The following MTUS1 variants were observed in gnomAD, a reference collection of about 807,000 sequenced individuals.
The protein encoded by MTUS1 is microtubule associated scaffold protein 1.
MTUS1 carries 109 observed loss-of-function variants against 120.8 expected under a neutral mutation model. The observed-to-expected ratio is 0.90, with a 90% confidence interval of 0.77 to 1.06. The LOEUF (loss-of-function observed/expected upper bound fraction) is 1.06. Among genes scored for constraint, MTUS1 ranks in the 50% least tolerant of loss-of-function variants. The probability of loss-of-function intolerance (pLI) is 0.00; values close to 1 mark genes in which losing one functional copy is unlikely to be tolerated. For synonymous variants in MTUS1, 737 were observed against 550.5 expected (o/e 1.34, Z -4.74); for missense variants, 2,210 against 1,486.3 (o/e 1.49, Z -8.01).
At chr8:17,774,603 G>C (rs1056207635) in intron 1 of MTUS1, among the ~76,000 whole-genome samples, 1 of 152,166 alleles carries the variant, frequency 6.6e-6, no homozygotes, top group Non-Finnish European at 1.5e-5. Context: ...TGCTGGTGAG[G>C]ATATGGAGAA....
intron 1 of MTUS1, among the ~76,000 whole-genome samples, chr8:17,781,742 C>G (rs2050893408): frequency 1.3e-5 from 2 of 152,204 alleles, no homozygotes; most frequent in South Asian, 4.1e-4. Flanking sequence ...CCTCCTGCCC[C>G]CATCATGTGA....
At chr8:17,758,363 C>A (rs982377608) in intron 1 of MTUS1, among the ~76,000 whole-genome samples, 1 of 152,140 alleles carries the variant, frequency 6.6e-6, no homozygotes, top group African/African-American at 2.4e-5. Context: ...CACACATACA[C>A]ATCCAAAAAG....
At chr8:17,759,024 G>A (rs1008720339) in intron 1 of MTUS1, among the ~76,000 whole-genome samples, 2 of 152,098 alleles carry the variant, frequency 1.3e-5, no homozygotes, top group African/African-American at 2.4e-5. Context: ...TGGGATTACA[G>A]GCGCCCGCCA....
chr8:17,705,141 G>A (rs1309514580), intron 6 of MTUS1, among the ~76,000 whole-genome samples: 3 of 151,974 alleles, frequency 2.0e-5, no homozygotes, highest in Non-Finnish European at 4.4e-5. Context: ...ACAACCACGT[G>A]CAGCTAATTT....
intron 1 of MTUS1, among the ~76,000 whole-genome samples, chr8:17,777,479 C>A (rs2050545108): frequency 6.6e-6 from 1 of 151,062 alleles, no homozygotes; most frequent in African/African-American, 2.4e-5. Flanking sequence ...ATGTCAGGCA[C>A]AGTGTGTCCC....
chr8:17,782,371 G>C lies in MTUS1; in HGVS notation c.-155+18690C>G, dbSNP rs567519746. Among the ~76,000 whole-genome samples, 61 of 152,216 alleles carry C rather than the reference G, an allele frequency of 4.0e-4. 1 individual carries two copies. The highest frequency in any genetic ancestry group is 2.0e-3 in the Admixed American group (31 of 15,290). ...TACTGTATCATTTCTAATTGGAAAA[G>C]GTCTACCAGAGATACTATACACCTG... On this transcript the variant is annotated intron_variant, in intron 1 of 14. Coordinates refer to ENST00000693296, the MANE Select transcript of MTUS1 (RefSeq NM_001363059.2).
intron 5 of MTUS1, 82 bp from the exon 6 acceptor site, chr8:17,713,334 T>A (rs1405535555): frequency 4.5e-6 from 4 of 897,532 alleles, no homozygotes; most frequent in Non-Finnish European, 7.1e-6. Flanking sequence ...ATAAGAATTA[T>A]TTTCAAAAAC....
intron 3 of MTUS1, among the ~76,000 whole-genome samples, chr8:17,736,056 T>G (rs369821115): frequency 6.6e-6 from 1 of 152,220 alleles, no homozygotes. Context: ...ATCCTGTTTG[T>G]AGTCTCAGAA....
chr8:17,787,911 G>C (rs1054416936), intron 1 of MTUS1, among the ~76,000 whole-genome samples: 2 of 152,204 alleles, frequency 1.3e-5, no homozygotes, highest in African/African-American at 4.8e-5. Context: ...ACCTGAGTAA[G>C]GAGTTCAAGA....
chr8:17,662,425 G>A (rs1039927947), intron 8 of MTUS1, among the ~76,000 whole-genome samples: 48 of 141,448 alleles, frequency 3.4e-4, no homozygotes, highest in African/African-American at 1.3e-3. Context: ...GCACGATCTC[G>A]GCTCACTGCA....
At chr8:17,790,304 AGCCATT>A (rs2051667135) in intron 1 of MTUS1, among the ~76,000 whole-genome samples, 1 of 151,568 alleles carries the variant, frequency 6.6e-6, no homozygotes, top group African/African-American at 2.4e-5. Context: ...GCCGAGATGA[AGCCATT>A]GCACTCCAGC....
chr8:17,652,513 T>C (rs1807231001), intron 12 of MTUS1, among the ~76,000 whole-genome samples: 24 of 152,004 alleles, frequency 1.6e-4, no homozygotes, highest in African/African-American at 5.6e-4. Flanking sequence ...GGGGAGTGAC[T>C]GCTAATGGGT....
At chr8:17,733,282 T>C (rs1381420826) in intron 3 of MTUS1, among the ~76,000 whole-genome samples, 1 of 149,318 alleles carries the variant, frequency 6.7e-6, no homozygotes, top group African/African-American at 2.5e-5. Flanking sequence ...ACCAGGGAGG[T>C]GGAGGTTGCA....
intron 1 of MTUS1, among the ~76,000 whole-genome samples, chr8:17,777,274 T>TA (rs1055978675): frequency 6.6e-6 from 1 of 151,686 alleles, no homozygotes; most frequent in African/African-American, 2.4e-5. Context: ...CCATCTCTAC[T>TA]AAAAGTACAA....
intron 3 of MTUS1, among the ~76,000 whole-genome samples, chr8:17,741,694 A>T (rs542241014): frequency 5.3e-4 from 80 of 152,190 alleles, no homozygotes; most frequent in Non-Finnish European, 1.1e-3. Flanking sequence ...TATCCTGGGT[A>T]CTGGCCTCAT....
intron 7 of MTUS1, among the ~76,000 whole-genome samples, chr8:17,679,920 G>A (rs1233224205): frequency 6.6e-6 from 1 of 152,100 alleles, no homozygotes; most frequent in Non-Finnish European, 1.5e-5. Flanking sequence ...CCTACATCTG[G>A]AATTCCATCC....
At chr8:17,724,492 T>C (rs1340122277) in intron 3 of MTUS1, among the ~76,000 whole-genome samples, 2 of 152,130 alleles carry the variant, frequency 1.3e-5, no homozygotes, top group African/African-American at 2.4e-5. Context: ...ATTAAGATTT[T>C]TTTTTTTAAT....
chr8:17,725,187 GA>G (rs538018600), intron 3 of MTUS1, among the ~76,000 whole-genome samples: 2 of 152,222 alleles, frequency 1.3e-5, no homozygotes, highest in African/African-American at 4.8e-5. Context: ...ACCCAGAGTT[GA>G]AAAAGACCTT....
At chr8:17,797,317 G>A (rs1171004951) in intron 1 of MTUS1, among the ~76,000 whole-genome samples, 1 of 152,152 alleles carries the variant, frequency 6.6e-6, no homozygotes, top group Non-Finnish European at 1.5e-5. Context: ...GGAGGCTGAG[G>A]CGGGAGGATA....
Sources: allele counts gnomAD v4.1 joint callset (sites outside exome capture counted in the v4.1 genomes callset), GRCh38; gene constraint gnomAD v4.1.1; transcripts MANE v1.5; gene names NCBI Gene and HGNC (gene_info 2026-07-23, HGNC 2026-07-21).